Variants in COL7A1 observed in about 807,000 individuals in gnomAD.
COL7A1 encodes collagen alpha-1(VII) chain.
Under a neutral mutation model 456.2 loss-of-function variants are expected in COL7A1, and 296 were observed. The ratio of observed to expected loss-of-function variants is 0.65; its 90% CI spans 0.59 to 0.71. The LOEUF is 0.71. Among genes scored for constraint, COL7A1 ranks in the 30% least tolerant of loss-of-function variants. The probability of loss-of-function intolerance (pLI) is 0.00; values close to 1 mark genes in which losing one functional copy is unlikely to be tolerated. For missense variants in COL7A1, 3,441 were observed against 4,017.2 expected, an observed-to-expected ratio of 0.86 and a Z score of 3.88; for synonymous variants, 1,464 against 1,525.9, an observed-to-expected ratio of 0.96 and a Z score of 0.95.
In COL7A1 at chr3:48,579,743, G is replaced by T; in HGVS notation, c.5154+42C>A. On this transcript the variant is annotated intron_variant, in intron 58 of 118. Transcript: ENST00000681320. The surrounding 1 kb of genome is among the most constrained non-coding windows in gnomAD (Gnocchi z 4.4). ...CCCAAGGTAGAACCTGCTGGGAGGG[G>T]CACTGGGGTCTTTCTTACCCTCCAC... 6.2e-7 allele frequency: 1 copy of T among 1,613,926 alleles called. No homozygotes were observed. The highest frequency in any genetic ancestry group is 2.2e-5 in the East Asian group (1 of 44,868).
Position 48,564,693 on chromosome 3 carries a change from C to A in COL7A1, c.8818+90G>T. 7.0e-7 allele frequency: 1 copy of A among 1,437,134 alleles called. No individual in the cohort carries two copies. The highest frequency in any genetic ancestry group is 9.5e-7 in the Non-Finnish European group (1 of 1,056,096). 89.0% of individuals were successfully genotyped at this position (1,437,134 alleles called of 1,614,324 possible). On this transcript the variant is annotated intron_variant, in intron 118 of 118. Coordinates refer to ENST00000681320, the MANE Select transcript of COL7A1 (RefSeq NM_000094.4). This position sits in a 1 kb window ranked among gnomAD's most constrained non-coding sequence, Gnocchi z 6.0. The stretch of plus-strand genomic sequence containing the variant: ...GGGAGCGTCTCCTCCAGGACCCTGA[C>A]CTGGAACCCTGGCCCAAGGACTCCT...
At position 48,571,128 on chromosome 3, in the gene COL7A1, AG is replaced by A; in HGVS notation, c.7136del (p.Pro2379LeufsTer9). 2 of 1,614,086 alleles carry A rather than the reference AG, an allele frequency of 1.2e-6. No individual in the cohort carries two copies. The highest frequency in any genetic ancestry group is 2.2e-5 in the East Asian group (1 of 44,888). ...TCACACCTGGAGGGCCAGGAGGCCC[AG>A]GGGAGCCCGGGACCCCGACTCCTGG... ...GDPGVGVPGSPGPPGPPGVKG... is the reference protein window; with the variant it reads ...GDPGVGVPGSXGPPGPPGVKG... On this transcript the variant is annotated frameshift_variant, in exon 94 of 119. Transcript: ENST00000681320. LOFTEE classifies it high-confidence loss of function. This position sits in a 1 kb window ranked among gnomAD's most constrained non-coding sequence, Gnocchi z 4.6.
In COL7A1 at chr3:48,575,693, A is replaced by C; in HGVS notation, c.5912T>G (p.Leu1971Arg). 6.2e-7 allele frequency: 1 copy of C among 1,613,742 alleles called. No individual in the cohort carries two copies. Among genetic ancestry groups the C allele is most frequent in the Non-Finnish European group, 8.5e-7 (1 of 1,180,026 alleles). The stretch of plus-strand genomic sequence containing the variant: ...GCCTCGACGCCGTTCGGGCACAGGC[A>C]GGAAGCTACCAGAGCTCTCATCCCA... ...ETWDESSGSFLPVPERRRGPK... is the reference protein window; with the variant it reads ...ETWDESSGSFRPVPERRRGPK... The change falls in exon 73 of 119, where the codon CTG becomes CGG. Residue 1971 changes from leucine to arginine, a missense_variant. Around this residue, in one of 3 missense-constraint regions of COL7A1, gnomAD observed 2,084 missense variants for 2,501.3 expected, o/e 0.83. Transcript: ENST00000681320. This position sits in a 1 kb window ranked among gnomAD's most constrained non-coding sequence, Gnocchi z 6.3.
chr3:48,571,925 G>C lies in COL7A1; in HGVS notation c.7068+76C>G. The C allele has an allele frequency of 6.4e-7, 1 of 1,556,710 alleles. No homozygotes were observed. Among genetic ancestry groups the C allele is most frequent in the South Asian group, 1.2e-5 (1 of 86,472 alleles). ...ACTCAGGGGCTCAGACATGTGCCCC[G>C]GCCCAAGAGTGGCCCCTTATGCCCG... On this transcript the variant is annotated intron_variant, in intron 92 of 118. Transcript: ENST00000681320. This position sits in a 1 kb window ranked among gnomAD's most constrained non-coding sequence, Gnocchi z 4.6.
In COL7A1 at chr3:48,574,085, A is replaced by G. The variant is rs1031298888; in HGVS notation, c.6501+177T>C. Among the ~76,000 whole-genome samples, 4 of 151,866 alleles carry G rather than the reference A, an allele frequency of 2.6e-5. No homozygotes were observed. The highest frequency in any genetic ancestry group is 9.7e-5 in the African/African-American group (4 of 41,318). On this transcript the variant is annotated intron_variant, in intron 80 of 118. Transcript: ENST00000681320. The surrounding 1 kb of genome is among the most constrained non-coding windows in gnomAD (Gnocchi z 5.0). ...CACACATCCACATACAACCACACACAGACACAGGCACACACAGGCACACAC... is the reference window on the plus strand; with the variant it reads ...CACACATCCACATACAACCACACACGGACACAGGCACACACAGGCACACAC...
At chr3:48,576,066 C>T (rs551563346) in intron 71 of COL7A1, among the ~76,000 whole-genome samples, 164 bp from the exon 72 acceptor site, 1 of 152,316 alleles carries the variant, frequency 6.6e-6, no homozygotes, top group African/African-American at 2.4e-5. Flanking sequence ...CTGGGAGCCC[C>T]TTTCTGGTGT....
Position 48,594,516 on chromosome 3 carries a change from C to A in COL7A1, c.118G>T (p.Val40Leu). Residue 40 changes from valine to leucine, a missense_variant, in exon 3 of 119, where the codon GTG becomes TTG. Around this residue, in one of 3 missense-constraint regions of COL7A1, gnomAD observed 913 missense variants for 1,088.2 expected, o/e 0.84. Transcript: ENST00000681320. The surrounding 1 kb of genome is among the most constrained non-coding windows in gnomAD (Gnocchi z 5.5). ...GATGAGGAGCCATCCAGTAAGAACA[C>A]AATGTCAGCGGCGTAAAGGCGCGTG... ...TCTRLYAADI[V>L]FLLDGSSSIG... 1 of 1,611,162 alleles carries A rather than the reference C, an allele frequency of 6.2e-7. No individual in the cohort carries two copies. The highest frequency in any genetic ancestry group is 8.5e-7 in the Non-Finnish European group (1 of 1,179,654).
rs1575439439 is a variant in COL7A1 at position 48,575,369 on chromosome 3, A to C, written c.6150T>G (p.Gly2050=). 4 of 1,473,644 alleles carry C rather than the reference A, an allele frequency of 2.7e-6. No individual in the cohort carries two copies. Among genetic ancestry groups the C allele is most frequent in the African/African-American group, 3.1e-5 (2 of 64,860 alleles). The allele number at this position is 1,473,644 out of a possible 1,614,324, so 91.3% of individuals were successfully genotyped here. ...CTCCTGGCCTTCCTGCCTCTCCCACACCCCCAGCCCTGCCTGGGAGCCCGG... is the reference window on the plus strand; with the variant it reads ...CTCCTGGCCTTCCTGCCTCTCCCACCCCCCCAGCCCTGCCTGGGAGCCCGG... ...GIPGLPGRAG[G]VGEAGRPGER... The change falls in exon 74 of 119, where the codon GGT becomes GGG. Residue 2050 remains glycine (G), a synonymous_variant. Transcript: ENST00000681320. This position sits in a 1 kb window ranked among gnomAD's most constrained non-coding sequence, Gnocchi z 6.3.
Position 48,588,166 on chromosome 3 carries a change from C to T in COL7A1, c.2710+116G>A, listed in dbSNP as rs955721058. On this transcript the variant is annotated intron_variant, in intron 21 of 118. Transcript: ENST00000681320. The surrounding 1 kb of genome is among the most constrained non-coding windows in gnomAD (Gnocchi z 4.6). ...ATTGATCTTACCTACTGTCACGGAT[C>T]CCGCAGACCCCCAGTGACAGACCCC... 2.6e-6 allele frequency: 4 copies of T among 1,510,646 alleles called. No homozygotes were observed. Among genetic ancestry groups the T allele is most frequent in the African/African-American group, 1.4e-5 (1 of 72,368 alleles). The allele number at this position is 1,510,646 out of a possible 1,614,324, so 93.6% of individuals were successfully genotyped here. A position where few individuals can be genotyped will look rare whatever the true frequency, so the allele number is the denominator to read the frequency against.
rs778622599 is a variant in COL7A1 at position 48,574,468 on chromosome 3, G to T, written c.6456+20C>A. 6.2e-7 allele frequency: 1 copy of T among 1,614,090 alleles called. No individual in the cohort carries two copies. The highest frequency in any genetic ancestry group is 2.2e-5 in the East Asian group (1 of 44,884). ...AGAGCCACCTTCTTGCACATGTGTGGCTGTTGGGCAAGGACTTACCGGGTT... is the reference window on the plus strand; with the variant it reads ...AGAGCCACCTTCTTGCACATGTGTGTCTGTTGGGCAAGGACTTACCGGGTT... On this transcript the variant is annotated intron_variant, in intron 79 of 118. Coordinates refer to ENST00000681320, the MANE Select transcript of COL7A1 (RefSeq NM_000094.4). The surrounding 1 kb of genome is among the most constrained non-coding windows in gnomAD (Gnocchi z 5.0).
chr3:48,565,713 G>C lies in COL7A1; in HGVS notation c.8408-45C>G, dbSNP rs1473222271. On this transcript the variant is annotated intron_variant, in intron 114 of 118. Transcript: ENST00000681320. The surrounding 1 kb of genome is among the most constrained non-coding windows in gnomAD (Gnocchi z 4.5). ...ATAGAGAGACAATGACAGAGAGAAG[G>C]ATGGGAAGATGGAGAGACAGACAGA... 3.8e-6 allele frequency: 6 copies of C among 1,563,858 alleles called. No individual in the cohort carries two copies. In the South Asian group the frequency reaches 4.6e-5, roughly 12 times the overall value.
rs2107718927 is a variant in COL7A1 at position 48,582,489 on chromosome 3, G to A, written c.4588C>T (p.Gln1530Ter). The A allele has an allele frequency of 6.2e-7, 1 of 1,614,154 alleles. No individual in the cohort carries two copies. The highest frequency in any genetic ancestry group is 1.1e-5 in the South Asian group (1 of 91,082). Reference protein sequence around the residue: ...PEGPPGPTGRQGEKGEPGRPG... With the variant: ...PEGPPGPTGR The stretch of plus-strand genomic sequence containing the variant: ...AGCCGAGGACCCACCTTCTCTCCTT[G>A]GCGGCCAGTGGGTCCTGGTGGCCCC... Residue 1530 changes from glutamine (Q) to a stop codon, truncating the protein, a stop_gained, in exon 46 of 119, where the codon CAA (glutamine) becomes TAA (stop). Transcript: ENST00000681320. LOFTEE classifies it high-confidence loss of function.
intron 65 of COL7A1, among the ~76,000 whole-genome samples, chr3:48,577,567 T>C (rs991899256): frequency 3.3e-5 from 5 of 152,256 alleles, no homozygotes; most frequent in Non-Finnish European, 7.3e-5. Flanking sequence ...CAGCATGTCC[T>C]AGCACATGTC....
In COL7A1 at chr3:48,581,003, G is replaced by A; in HGVS notation, c.4936-77C>T. The A allele has an allele frequency of 6.2e-7, 1 of 1,603,982 alleles. No homozygotes were observed. Among genetic ancestry groups the A allele is most frequent in the South Asian group, 1.1e-5 (1 of 90,500 alleles). ...ACTCAGGGAGAGGGGACAGAGAAGG[G>A]TCTGAGCAGCAGCTGGACAGGAGGC... On this transcript the variant is annotated intron_variant, in intron 53 of 118. Coordinates refer to ENST00000681320, the MANE Select transcript of COL7A1 (RefSeq NM_000094.4). The surrounding 1 kb of genome is among the most constrained non-coding windows in gnomAD (Gnocchi z 5.8).
chr3:48,588,877 C>T lies in COL7A1; in HGVS notation c.2433G>A (p.Arg811=). 1 of 1,613,654 alleles carries T rather than the reference C, an allele frequency of 6.2e-7. No homozygotes were observed. The part of the protein sequence containing the change: ...GATAYRLAWG[R]SEGGPMRHQI... ...GGCGTCAGGGAGCCATACCTTCACT[C>T]CGGCCCCAGGCCAGTCTGTAAGCTG... is the stretch of plus-strand genomic sequence containing the variant. The change falls in exon 19 of 119, where the codon CGG becomes CGA. Residue 811 remains arginine (R), a synonymous_variant. Transcript: ENST00000681320. This position sits in a 1 kb window ranked among gnomAD's most constrained non-coding sequence, Gnocchi z 4.6.
rs530814043 is a variant in COL7A1, at chr3:48,590,029, C to T, written c.2050+184G>A. On this transcript the variant is annotated intron_variant, in intron 16 of 118. Coordinates refer to ENST00000681320, the MANE Select transcript of COL7A1 (RefSeq NM_000094.4). This position sits in a 1 kb window ranked among gnomAD's most constrained non-coding sequence, Gnocchi z 4.6. ...GGAGAGAAGCGGAGGAATCTGAATACGGGGAGGGCTTAAGGGGAGACAGCT... is the reference window on the plus strand; with the variant it reads ...GGAGAGAAGCGGAGGAATCTGAATATGGGGAGGGCTTAAGGGGAGACAGCT... 3.3e-5 allele frequency among the ~76,000 whole-genome samples: 5 copies of T among 151,796 alleles called. No homozygotes were observed. Among genetic ancestry groups the T allele is most frequent in the East Asian group, 3.9e-4 (2 of 5,190 alleles).
At position 48,581,244 on chromosome 3, in the gene COL7A1, G is replaced by A. The variant is rs199612012; in HGVS notation, c.4899+16C>T. On this transcript the variant is annotated intron_variant, in intron 52 of 118. Transcript: ENST00000681320. This position sits in a 1 kb window ranked among gnomAD's most constrained non-coding sequence, Gnocchi z 5.8. Reference sequence around the variant, plus strand: ...CTCCCTTACCCGCCATGACTCCCCCGACTCCAGCCTCTTACATCTCGTCCT... The same window carrying A: ...CTCCCTTACCCGCCATGACTCCCCCAACTCCAGCCTCTTACATCTCGTCCT... 2.7e-5 allele frequency: 44 copies of A among 1,612,994 alleles called. No homozygotes were observed. In the East Asian group the frequency reaches 6.5e-4, roughly 24 times the overall value.
rs535560155 is a variant in COL7A1, at chr3:48,573,444, C to T, written c.6618+69G>A. ...AGGAGATGACAGCCCAGGAGGTTGG[C>T]GCACACTACCCCAGGCATGGACACA... On this transcript the variant is annotated intron_variant, in intron 83 of 118. Transcript: ENST00000681320. The surrounding 1 kb of genome is among the most constrained non-coding windows in gnomAD (Gnocchi z 5.5). The T allele has an allele frequency of 1.5e-5, 25 of 1,613,386 alleles. No individual in the cohort carries two copies. The South Asian group carries it at 1.6e-4, about 11-fold the overall frequency.
Position 48,587,609 on chromosome 3 carries a change from G to A in COL7A1, c.2858-55C>T, listed in dbSNP as rs768013198. On this transcript the variant is annotated intron_variant, in intron 22 of 118. Coordinates refer to ENST00000681320, the MANE Select transcript of COL7A1 (RefSeq NM_000094.4). The surrounding 1 kb of genome is among the most constrained non-coding windows in gnomAD (Gnocchi z 6.1). ...GAGGCTGAGTCCTGAGAACCCAGAA[G>A]GGAGAGATCTGAGATCCTGGGTCCG... 16 of 1,612,264 alleles carry A rather than the reference G, an allele frequency of 9.9e-6. No homozygotes were observed. Among genetic ancestry groups the A allele is most frequent in the Non-Finnish European group, 1.3e-5 (15 of 1,179,206 alleles).
Sources: allele counts gnomAD v4.1 joint callset (sites outside exome capture counted in the v4.1 genomes callset), GRCh38; gene constraint gnomAD v4.1.1; regional missense constraint gnomAD v4.1.1; non-coding constraint Gnocchi (gnomAD v3.1); transcripts MANE v1.5; gene names NCBI Gene and HGNC (gene_info 2026-07-23, HGNC 2026-07-21).